GRK4: variants seen among roughly 807,000 people sequenced by gnomAD.
GRK4 encodes the protein G protein-coupled receptor kinase 2-like.
GRK4 carries 73 observed loss-of-function variants against 77.9 expected under a neutral mutation model. The observed-to-expected ratio is 0.94, with a 90% confidence interval of 0.78 to 1.14. The LOEUF is 1.14. Among genes scored for constraint, GRK4 ranks in the 50% most tolerant of loss-of-function variants. GRK4 has a pLI of 0.00. For synonymous variants in GRK4, 257 were observed against 254.4 expected, an observed-to-expected ratio of 1.01 and a Z score of -0.10; for missense variants, 729 against 700.2, an observed-to-expected ratio of 1.04 and a Z score of -0.46.
intron 1 of GRK4, among the ~76,000 whole-genome samples, chr4:2,979,075 A>C (rs1054535845): frequency 6.6e-6 from 1 of 152,016 alleles, no homozygotes; most frequent in Non-Finnish European, 1.5e-5. Flanking sequence ...ATACAAAAAA[A>C]TTAGCCAGGC....
chr4:2,970,372 A>G (rs1719105855), intron 1 of GRK4, among the ~76,000 whole-genome samples: 1 of 152,188 alleles, frequency 6.6e-6, no homozygotes, highest in African/African-American at 2.4e-5. Context: ...ATAAAATAAT[A>G]TTCTTGGCCA....
chr4:3,038,680 T>G, intron 15 of GRK4, 167 bp downstream of exon 15: 1 of 632,378 alleles, frequency 1.6e-6, no homozygotes, highest in South Asian at 2.2e-5. Context: ...GCCAGAACAA[T>G]GAGAACACCC....
intron 1 of GRK4, among the ~76,000 whole-genome samples, chr4:2,968,719 C>T (rs1008599460): frequency 2.6e-5 from 4 of 152,134 alleles, no homozygotes; most frequent in African/African-American, 7.2e-5. Flanking sequence ...CGGGAGACTA[C>T]AGCAGGGATG....
chr4:3,024,233 G>A (rs544493542), intron 10 of GRK4, among the ~76,000 whole-genome samples: 2 of 152,220 alleles, frequency 1.3e-5, no homozygotes, highest in African/African-American at 4.8e-5. Flanking sequence ...CTCTGATGCC[G>A]ATGACCACAG....
At chr4:3,011,561 C>T (rs1732926464) in intron 7 of GRK4, among the ~76,000 whole-genome samples, 1 of 152,172 alleles carries the variant, frequency 6.6e-6, no homozygotes, top group Non-Finnish European at 1.5e-5. Context: ...TGGCAGTTTC[C>T]CACAGACTTG....
chr4:2,964,157 C>CT lies in GRK4; in HGVS notation c.52+35_52+36insT, dbSNP rs759327790. The stretch of plus-strand genomic sequence containing the variant: ...CGGCAGGCGCCCCCGACCCCCCCCC[C>CT]AGAGAACCCCGAATCCCGGGGAACC... On this transcript the variant is annotated intron_variant, in intron 1 of 15. Transcript: ENST00000398052. 1,178 of 1,523,200 alleles carry CT rather than the reference C, an allele frequency of 7.7e-4. 7 individuals are homozygous for CT. In the African/African-American group the frequency reaches 0.014, roughly 18 times the overall value. 94.4% of individuals were successfully genotyped at this position (1,523,200 alleles called of 1,614,324 possible).
At chr4:3,014,445 C>T (rs1406332590) in intron 8 of GRK4, among the ~76,000 whole-genome samples, 2 of 151,872 alleles carry the variant, frequency 1.3e-5, no homozygotes, top group Non-Finnish European at 2.9e-5. Context: ...CACAGGCACA[C>T]ACCACCATGC....
intron 9 of GRK4, among the ~76,000 whole-genome samples, chr4:3,021,499 G>A (rs1025439548): frequency 1.3e-5 from 2 of 152,138 alleles, no homozygotes; most frequent in African/African-American, 4.8e-5. Flanking sequence ...ATATCCCACA[G>A]CCAATATGGG....
In GRK4 at chr4:3,037,446, A is replaced by T; in HGVS notation, c.1480A>T (p.Thr494Ser). The change falls in exon 14 of 16, where the codon ACC becomes TCC. Residue 494 changes from threonine (T) to serine (S), a missense_variant. Transcript: ENST00000398052. Reference protein sequence around the residue: ...FSVVKGIYLDTADEDFYARFA... With the variant: ...FSVVKGIYLDSADEDFYARFA... ...GGTGGTGAAAGGGATCTACCTGGAC[A>T]CCGCAGATGAAGACTTCTATGCTCG... is the stretch of plus-strand genomic sequence containing the variant. The T allele has an allele frequency of 1.2e-6, 2 of 1,611,580 alleles. No individual in the cohort carries two copies. Among genetic ancestry groups the T allele is most frequent in the East Asian group, 2.2e-5 (1 of 44,770 alleles).
At chr4:3,007,984 A>G (rs114047097) in intron 6 of GRK4, among the ~76,000 whole-genome samples, 156 bp downstream of exon 6, 1,567 of 152,318 alleles carry the variant, frequency 0.01, 27 homozygotes, top group African/African-American at 0.035. Flanking sequence ...ACTGCACTCC[A>G]ACCTGGGCAA....
Position 3,007,805 on chromosome 4 carries a change from T to C in GRK4, c.513T>C (p.Phe171=). The change falls in exon 6 of 16, where the codon TTT becomes TTC. Residue 171 remains phenylalanine (F), a synonymous_variant. Coordinates refer to ENST00000398052, the MANE Select transcript of GRK4 (RefSeq NM_182982.3). ...AAGAAAGCTCATATTTTTCTCAGTT[T>C]TTACAATGGAAATGGCTGGAAAGGT... is the stretch of plus-strand genomic sequence containing the variant. ...EYQESSYFSQ[F]LQWKWLERQP... is the part of the protein sequence containing the mutation. The C allele has an allele frequency of 6.2e-7, 1 of 1,612,406 alleles. No individual in the cohort carries two copies.
intron 8 of GRK4, among the ~76,000 whole-genome samples, chr4:3,017,385 C>G (rs1402123869): frequency 6.6e-6 from 1 of 152,196 alleles, no homozygotes; most frequent in Admixed American, 6.5e-5. Flanking sequence ...CTGCCCAGGC[C>G]TCCTCCACCA....
chr4:2,996,532 G>A (rs1056530467), intron 4 of GRK4, among the ~76,000 whole-genome samples: 2 of 151,920 alleles, frequency 1.3e-5, no homozygotes, highest in Non-Finnish European at 2.9e-5. Flanking sequence ...TCCTGCCTGG[G>A]TGACAGAGCG....
At chr4:2,964,173 C>A in intron 1 of GRK4, 51 bp downstream of exon 1, 1 of 1,476,686 alleles carries the variant, frequency 6.8e-7, no homozygotes, top group Non-Finnish European at 9.2e-7. Context: ...ACCCCGAATC[C>A]CGGGGAACCC....
chr4:3,004,438 T>C, intron 5 of GRK4, 104 bp downstream of exon 5: 2 of 695,964 alleles, frequency 2.9e-6, no homozygotes, highest in Admixed American at 2.5e-5. Flanking sequence ...TAGAGTGTAG[T>C]TGACCCTTGA....
chr4:2,998,092 T>C (rs947281344), intron 4 of GRK4, among the ~76,000 whole-genome samples: 1 of 152,078 alleles, frequency 6.6e-6, no homozygotes, highest in Non-Finnish European at 1.5e-5. Context: ...GCGCAGTGGC[T>C]CATACCTGTG....
At chr4:2,979,083 G>C (rs563360664) in intron 1 of GRK4, among the ~76,000 whole-genome samples, 24 of 152,160 alleles carry the variant, frequency 1.6e-4, no homozygotes, top group African/African-American at 5.1e-4. Context: ...AAATTAGCCA[G>C]GCATGGTGAT....
intron 9 of GRK4, among the ~76,000 whole-genome samples, chr4:3,020,999 C>T (rs117996175): frequency 6.6e-6 from 1 of 152,126 alleles, no homozygotes; most frequent in East Asian, 1.9e-4. Context: ...GGAAATTTTG[C>T]ACCATTTTAT....
chr4:3,015,674 C>CA (rs57839670), intron 8 of GRK4, among the ~76,000 whole-genome samples: 6,869 of 91,416 alleles, frequency 0.075, 187 homozygotes, highest in Middle Eastern at 0.17. Flanking sequence ...GACTCCATCT[C>CA]AAAAAAAAAA....
Sources: gnomAD v4.1 joint callset for allele counts (sites outside exome capture counted in the v4.1 genomes callset) on GRCh38, gnomAD v4.1.1 for gene constraint, MANE v1.5 for transcripts, NCBI Gene and HGNC (gene_info 2026-07-23, HGNC 2026-07-21) for gene names.